The following RIMS1 variants were observed in gnomAD, a reference collection of about 807,000 sequenced individuals.
The protein encoded by RIMS1 is regulating synaptic membrane exocytosis protein 1.
Under a neutral mutation model 214.1 loss-of-function variants are expected in RIMS1, and 83 were observed. The observed-to-expected ratio is 0.39, with a 90% CI of 0.32 to 0.47. The LOEUF is 0.47. RIMS1 is among the 20% of genes least tolerant of loss of function. The pLI, the probability that RIMS1 is intolerant of heterozygous loss-of-function variation, is 0.99. For synonymous variants in RIMS1, 793 were observed against 786.8 expected, an observed-to-expected ratio of 1.01 and a Z score of -0.13; for missense variants, 2,050 against 2,161.8, an observed-to-expected ratio of 0.95 and a Z score of 1.03.
chr6:72,353,388 G>A (rs997922790), intron 29 of RIMS1, among the ~76,000 whole-genome samples: 5 of 152,090 alleles, frequency 3.3e-5, no homozygotes, highest in East Asian at 1.9e-4. Flanking sequence ...CCCTTTATCC[G>A]AGTTTCAAAG....
chr6:72,330,565 A>T (rs1160934756), intron 28 of RIMS1, among the ~76,000 whole-genome samples: 1 of 151,846 alleles, frequency 6.6e-6, no homozygotes, highest in Non-Finnish European at 1.5e-5. Context: ...GAATCCCAAT[A>T]TAACCAGTAC....
chr6:72,143,442 T>A (rs546754859), intron 4 of RIMS1, among the ~76,000 whole-genome samples: 2 of 152,294 alleles, frequency 1.3e-5, no homozygotes, highest in Non-Finnish European at 2.9e-5. Context: ...GGGTTCACAA[T>A]GTCTCAACCT....
intron 28 of RIMS1, among the ~76,000 whole-genome samples, chr6:72,325,107 A>ATTTATTCTT (rs2096389014): frequency 6.6e-6 from 1 of 151,954 alleles, no homozygotes; most frequent in Non-Finnish European, 1.5e-5. Flanking sequence ...TATTTAAAGA[A>ATTTATTCTT]TAAATACTCT....
chr6:72,307,487 G>C (rs1256244600), intron 27 of RIMS1, 117 bp downstream of exon 27: 9 of 625,768 alleles, frequency 1.4e-5, no homozygotes, highest in Non-Finnish European at 2.1e-5. Context: ...GGCCGGGCAT[G>C]GTAGCTCACA....
chr6:72,019,643 T>C (rs1813948503), intron 2 of RIMS1, among the ~76,000 whole-genome samples: 1 of 152,162 alleles, frequency 6.6e-6, no homozygotes. Context: ...TTCTGGAAAA[T>C]TATTTCACCT....
rs73545347 is a variant in RIMS1, at chr6:71,891,413, A to G, written c.164+4226A>G. Among the ~76,000 whole-genome samples the G allele has an allele frequency of 2.9e-3, 438 of 152,346 alleles. 3 individuals are homozygous for G. The highest frequency in any genetic ancestry group is 0.01 in the African/African-American group (425 of 41,574). ...CCTAGCATTTGCTTTCTAATCATCCATAATTACTACTTTTTTCCTGGAAAG... is the reference window on the plus strand; with the variant it reads ...CCTAGCATTTGCTTTCTAATCATCCGTAATTACTACTTTTTTCCTGGAAAG... On this transcript the variant is annotated intron_variant, in intron 1 of 33. Coordinates refer to ENST00000521978, the MANE Select transcript of RIMS1 (RefSeq NM_014989.7).
At chr6:72,307,005 A>G (rs2095236507) in intron 26 of RIMS1, among the ~76,000 whole-genome samples, 1 of 152,230 alleles carries the variant, frequency 6.6e-6, no homozygotes, top group African/African-American at 2.4e-5. Flanking sequence ...TATTTCATAT[A>G]AAATCAAGAA....
intron 4 of RIMS1, among the ~76,000 whole-genome samples, chr6:72,159,840 T>G (rs2045058588): frequency 7.1e-6 from 1 of 140,142 alleles, no homozygotes; most frequent in Non-Finnish European, 1.6e-5. Flanking sequence ...TCCAGCTTTG[T>G]TCTTTTGGCT....
At chr6:72,329,419 C>A (rs1440826090) in intron 28 of RIMS1, among the ~76,000 whole-genome samples, 1 of 151,630 alleles carries the variant, frequency 6.6e-6, no homozygotes, top group African/African-American at 2.4e-5. Context: ...AAATGGAATA[C>A]TAAAATTAGA....
intron 1 of RIMS1, among the ~76,000 whole-genome samples, chr6:71,963,081 A>G (rs993736882): frequency 6.6e-6 from 1 of 152,224 alleles, no homozygotes; most frequent in Non-Finnish European, 1.5e-5. Context: ...ACTTTCATCA[A>G]TATACCTATA....
chr6:72,330,381 G>A (rs1331444421), intron 28 of RIMS1, among the ~76,000 whole-genome samples: 1 of 151,696 alleles, frequency 6.6e-6, no homozygotes, highest in Non-Finnish European at 1.5e-5. Flanking sequence ...CAAGAAGGGG[G>A]GGATCAAAAG....
rs537913395 is a variant in RIMS1, at chr6:71,951,066, T to C, written c.165-17917T>C. 2.0e-5 allele frequency among the ~76,000 whole-genome samples: 3 copies of C among 152,310 alleles called. No homozygotes were observed. In the East Asian group the frequency reaches 5.8e-4, roughly 29 times the overall value. On this transcript the variant is annotated intron_variant, in intron 1 of 33. Coordinates refer to ENST00000521978, the MANE Select transcript of RIMS1 (RefSeq NM_014989.7). The stretch of plus-strand genomic sequence containing the variant: ...AGCATGCAAACATCAAATACACTAA[T>C]GGTCAGTCCAAAGTTGTAAAATTGG...
intron 2 of RIMS1, among the ~76,000 whole-genome samples, chr6:72,002,577 G>C (rs187466497): frequency 2.0e-5 from 3 of 152,170 alleles, no homozygotes; most frequent in Admixed American, 2.0e-4. Flanking sequence ...GGAAGCATGC[G>C]TGGCAGCCTG....
intron 1 of RIMS1, among the ~76,000 whole-genome samples, chr6:71,902,739 C>T (rs1774058332): frequency 6.6e-6 from 1 of 152,056 alleles, no homozygotes; most frequent in African/African-American, 2.4e-5. Flanking sequence ...CATGTGTTCT[C>T]ATTGTTCAGC....
chr6:71,952,182 G>T (rs79600883), intron 1 of RIMS1, among the ~76,000 whole-genome samples: 69 of 152,196 alleles, frequency 4.5e-4, no homozygotes, highest in African/African-American at 1.6e-3. Context: ...AAAGCCTTGT[G>T]AATCTCCAGC....
intron 4 of RIMS1, among the ~76,000 whole-genome samples, chr6:72,116,385 A>G (rs746070890): frequency 2.6e-5 from 4 of 151,982 alleles, no homozygotes; most frequent in African/African-American, 9.7e-5. Context: ...ACGAGATGAA[A>G]GAGAACTAGC....
intron 28 of RIMS1, among the ~76,000 whole-genome samples, chr6:72,314,718 T>A (rs2095675873): frequency 6.6e-6 from 1 of 152,144 alleles, no homozygotes; most frequent in Admixed American, 6.6e-5. Flanking sequence ...TAAGCTAAGA[T>A]CAAGGGGTAA....
At chr6:72,160,980 T>G (rs2463739) in intron 4 of RIMS1, among the ~76,000 whole-genome samples, 1 of 138,398 alleles carries the variant, frequency 7.2e-6, no homozygotes, top group Non-Finnish European at 1.6e-5. Flanking sequence ...TCTTGTATCT[T>G]TGGTAGAATT....
chr6:72,252,658 C>A, intron 15 of RIMS1, 103 bp from the exon 16 acceptor site: 1 of 857,484 alleles, frequency 1.2e-6, no homozygotes. Context: ...CATAAGTTTT[C>A]AGTAATAATG....
Sources: allele counts gnomAD v4.1 joint callset (sites outside exome capture counted in the v4.1 genomes callset), GRCh38; gene constraint gnomAD v4.1.1; transcripts MANE v1.5; gene names NCBI Gene and HGNC (gene_info 2026-07-23, HGNC 2026-07-21).